Variants in ZNF263 observed in about 807,000 individuals in gnomAD.
ZNF263 encodes the protein zinc finger protein FPM315.
A neutral mutation model predicts 63.1 loss-of-function variants in ZNF263; 49 were observed. That is an observed-to-expected ratio of 0.78 (90% CI 0.62 to 0.99). The LOEUF (loss-of-function observed/expected upper bound fraction) is 0.99, where lower values mean the gene tolerates loss of function less well. Among genes scored for constraint, ZNF263 ranks in the 50% least tolerant of loss-of-function variants. The pLI, the probability that ZNF263 is intolerant of heterozygous loss-of-function variation, is 0.00. For missense variants in ZNF263, 872 were observed against 854.8 expected, an observed-to-expected ratio of 1.02 and a Z score of -0.25; for synonymous variants, 352 against 324.2, an observed-to-expected ratio of 1.09 and a Z score of -0.92.
At chr16:3,295,091 C>T (rs1454574740), downstream of ZNF263, among the ~76,000 whole-genome samples, 2 of 152,166 alleles carry the variant, frequency 1.3e-5, no homozygotes, top group African/African-American at 4.8e-5. Flanking sequence ...AGTTCCTATC[C>T]CCAGGAGTGA....
At chr16:3,300,471 A>G in intron 2 of ZNF263, 2 of 1,613,230 alleles carry the variant, frequency 1.2e-6, no homozygotes, top group Non-Finnish European at 1.7e-6. Flanking sequence ...TTAACTTCTT[A>G]TTTTTTTTAA....
At position 3,289,527 on chromosome 16, in the gene ZNF263, T is replaced by A; in HGVS notation, c.1021T>A (p.Ser341Thr). Residue 341 changes from serine (S) to threonine (T), a missense_variant, in exon 6 of 6, where the codon TCG (serine) becomes ACG (threonine). By Grantham distance (58) the Ser-to-Thr change is moderately conservative. Transcript: ENST00000219069. ...TGAGCTGGGAAGACCTCATGACCGG[T>A]CGCAAGGGGATTGGGCGCCTCCCCC... ...SPELGRPHDR[S>T]QGDWAPPPEG... 1 of 1,597,270 alleles carries A rather than the reference T, an allele frequency of 6.3e-7. No individual in the cohort carries two copies. Among genetic ancestry groups the A allele is most frequent in the Non-Finnish European group, 8.5e-7 (1 of 1,171,122 alleles).
Position 3,285,349 on chromosome 16 carries a change from G to A in ZNF263, c.568+110G>A, listed in dbSNP as rs1018540196. ...AAGGAGAAGGAATTTCTGAAGATCA[G>A]GTTCTCACCTGTGGAATGAAAGACC... On this transcript the variant is annotated intron_variant, in intron 2 of 5. Coordinates refer to ENST00000219069, the MANE Select transcript of ZNF263 (RefSeq NM_005741.5). The A allele has an allele frequency of 2.4e-6, 3 of 1,265,616 alleles. No homozygotes were observed. In the African/African-American group the frequency reaches 4.5e-5, roughly 19 times the overall value. 78.4% of individuals were successfully genotyped at this position (1,265,616 alleles called of 1,614,324 possible).
At position 3,300,332 on chromosome 16, in the gene ZNF263, C is replaced by T. The variant is rs200010202; in HGVS notation, c.*47-581C>T. ...AGCTCCACGCCTCTTACCGGAACAC[C>T]GGCTGAGCGTTTCTGTTGGTACCAC... On this transcript the variant is annotated intron_variant, in intron 2 of 2. Transcript: ENST00000574674. The T allele has an allele frequency of 1.4e-4, 231 of 1,614,238 alleles. No individual in the cohort carries two copies. In the Admixed American group the frequency reaches 2.5e-3, roughly 18 times the overall value.
intron 1 of ZNF263, chr16:3,299,095 A>G: frequency 4.9e-6 from 7 of 1,429,126 alleles, no homozygotes; most frequent in Non-Finnish European, 6.4e-6. Context: ...TTCTTGTTGC[A>G]TCTCTTTCAG....
intron 1 of ZNF263, chr16:3,298,804 TAAATA>T: frequency 2.5e-6 from 1 of 393,848 alleles, no homozygotes; most frequent in Non-Finnish European, 4.5e-6. Flanking sequence ...AACACAAATT[TAAATA>T]AATTTAAAGA....
In ZNF263 at chr16:3,291,441, A is replaced by G. The variant is rs1254205763; in HGVS notation, c.*883A>G. The G allele has an allele frequency of 4.1e-6, 4 of 985,340 alleles. No homozygotes were observed. The African/African-American group carries it at 5.2e-5, about 13-fold the overall frequency. 61.0% of individuals were successfully genotyped at this position (985,340 alleles called of 1,614,324 possible). A position where few individuals can be genotyped will look rare whatever the true frequency, so the allele number is the denominator to read the frequency against. ...GTTGAAAATGTTTGGATGGGAATAA[A>G]TATCTTCAGGAAACATAAATGTCTG... On this transcript the variant is annotated 3_prime_UTR_variant, in exon 6 of 6. Transcript: ENST00000219069.
intron 1 of ZNF263, among the ~76,000 whole-genome samples, chr16:3,298,604 T>C (rs1008285633): frequency 6.6e-6 from 1 of 152,126 alleles, no homozygotes; most frequent in African/African-American, 2.4e-5. Flanking sequence ...GCAGAGTGTG[T>C]TTTACCATTA....
rs1959603498 is a variant in ZNF263 at position 3,291,248 on chromosome 16, A to T, written c.*690A>T. ...AATTGGCAGAGGAAGTAGGTGTCTG[A>T]TAACCCTTTGTGGAGAATGAGATTC... On this transcript the variant is annotated 3_prime_UTR_variant, in exon 6 of 6. Coordinates refer to ENST00000219069, the MANE Select transcript of ZNF263 (RefSeq NM_005741.5). 2.0e-6 allele frequency: 2 copies of T among 985,540 alleles called. No individual in the cohort carries two copies. Among genetic ancestry groups the T allele is most frequent in the Non-Finnish European group, 2.4e-6 (2 of 830,012 alleles). The allele number at this position is 985,540 out of a possible 1,614,324, so 61.0% of individuals were successfully genotyped here.
downstream of ZNF263, among the ~76,000 whole-genome samples, chr16:3,294,203 G>A (rs1380817807): frequency 2.0e-5 from 3 of 152,242 alleles, no homozygotes; most frequent in African/African-American, 7.2e-5. Context: ...GGGATTACAG[G>A]CGTGAGCCAC....
chr16:3,292,322 C>T (rs2150775398), downstream of ZNF263, among the ~76,000 whole-genome samples: 1 of 152,310 alleles, frequency 6.6e-6, no homozygotes, highest in East Asian at 1.9e-4. Flanking sequence ...ATGTGTTTTT[C>T]TTTGGTTGTC....
chr16:3,286,279 T>A, intron 4 of ZNF263, 130 bp downstream of exon 4: 1 of 1,358,330 alleles, frequency 7.4e-7, no homozygotes, highest in Non-Finnish European at 9.8e-7. Context: ...TCCCTTTGTC[T>A]AAAGTCCCCT....
downstream of ZNF263, chr16:3,292,885 A>G (rs1342389666): frequency 6.6e-6 from 1 of 152,250 alleles, no homozygotes; most frequent in African/African-American, 2.4e-5. Context: ...TACATAAAGC[A>G]GCACTATGCC....
At position 3,285,224 on chromosome 16, in the gene ZNF263, G is replaced by A. The variant is rs1289883090; in HGVS notation, c.553G>A (p.Ala185Thr). The A allele has an allele frequency of 6.8e-6, 11 of 1,612,782 alleles. No individual in the cohort carries two copies. Among genetic ancestry groups the A allele is most frequent in the Non-Finnish European group, 8.5e-6 (10 of 1,179,674 alleles). ...CCCCAGCCCCCAAAGGGACCCCCAG[G>A]CTGTAAAGGAGAGGGGTGAGGCACA... The part of the protein sequence containing the change: ...LGPSPQRDPQ[A>T]VKERALSAPW... Residue 185 changes from alanine to threonine, a missense_variant, in exon 2 of 6, where the codon GCT (alanine) becomes ACT (threonine). Transcript: ENST00000219069.
downstream of ZNF263, among the ~76,000 whole-genome samples, chr16:3,295,346 C>T (rs1959715430): frequency 1.3e-5 from 2 of 152,218 alleles, no homozygotes; most frequent in African/African-American, 4.8e-5. Context: ...TGCCCAGACC[C>T]CTGGGGCCAC....
intron 2 of ZNF263, 73 bp downstream of exon 2, chr16:3,285,312 A>G: frequency 6.9e-7 from 1 of 1,459,054 alleles, no homozygotes; most frequent in Non-Finnish European, 9.3e-7. Context: ...AGCTGGATGT[A>G]GCAATGATGC....
downstream of ZNF263, among the ~76,000 whole-genome samples, chr16:3,296,328 T>C (rs898292139): frequency 2.6e-5 from 4 of 152,202 alleles, no homozygotes; most frequent in Non-Finnish European, 5.9e-5. Flanking sequence ...TGATGATGTT[T>C]GATGCAAAGA....
intron 2 of ZNF263, chr16:3,300,227 G>T: frequency 6.2e-6 from 10 of 1,614,162 alleles, no homozygotes; most frequent in Non-Finnish European, 8.5e-6. Context: ...TGCCGATTTC[G>T]AAATCTAAAA....
At position 3,289,835 on chromosome 16, in the gene ZNF263, C is replaced by T; in HGVS notation, c.1329C>T (p.Phe443=). ...AHKCLECGKC[F]SQNTHLTRHQ... ...AGTGCCTTGAATGTGGGAAATGCTT[C>T]AGTCAGAACACCCATCTGACTCGCC... Residue 443 remains phenylalanine (F), a synonymous_variant, in exon 6 of 6, where the codon TTC becomes TTT. Transcript: ENST00000219069. 3.1e-6 allele frequency: 5 copies of T among 1,614,234 alleles called. No individual in the cohort carries two copies. The highest frequency in any genetic ancestry group is 3.4e-6 in the Non-Finnish European group (4 of 1,180,044).
Sources: allele counts gnomAD v4.1 joint callset (sites outside exome capture counted in the v4.1 genomes callset), GRCh38; gene constraint gnomAD v4.1.1; transcripts MANE v1.5; gene names NCBI Gene and HGNC (gene_info 2026-07-23, HGNC 2026-07-21).